CCK: variants seen among roughly 807,000 people sequenced by gnomAD.
The protein encoded by CCK is cholecystokinin triacontatriapeptide.
A neutral mutation model predicts 10.1 loss-of-function variants in CCK; 11 were observed. The observed-to-expected ratio is 1.09, with a 90% CI of 0.69 to 1.81. The LOEUF is 1.81. Among genes scored for constraint, CCK ranks in the 40% most tolerant of loss-of-function variants. CCK has a pLI of 0.00. For missense variants in CCK, 137 were observed against 159.9 expected (o/e 0.86, Z 0.77); for synonymous variants, 83 against 71.9 (o/e 1.15, Z -0.78).
chr3:42,261,882 T>A (rs1711219786), intron 4 of CCK, among the ~76,000 whole-genome samples: 1 of 152,200 alleles, frequency 6.6e-6, no homozygotes, highest in Admixed American at 6.5e-5. Context: ...AGACTTTCTC[T>A]CTCCATCTGA....
At chr3:42,261,544 G>A (rs977125591) in intron 4 of CCK, among the ~76,000 whole-genome samples, 1 of 151,880 alleles carries the variant, frequency 6.6e-6, no homozygotes, top group Non-Finnish European at 1.5e-5. Flanking sequence ...GAACTTTCCA[G>A]CTAAGATTTA....
At chr3:42,261,112 T>C (rs1004094925) in intron 4 of CCK, among the ~76,000 whole-genome samples, 1 of 152,204 alleles carries the variant, frequency 6.6e-6, no homozygotes, top group Admixed American at 6.5e-5. Context: ...CCTCTAGATA[T>C]CTTTACCCAC....
chr3:42,263,259 A>AC, intron 4 of CCK, 158 bp downstream of exon 4: 1 of 1,096,836 alleles, frequency 9.1e-7, no homozygotes, highest in East Asian at 2.4e-5. Flanking sequence ...AGTCCTCCAT[A>AC]CCCCTTCTCA....
intron 4 of CCK, among the ~76,000 whole-genome samples, chr3:42,260,155 G>C (rs1245467982): frequency 6.6e-6 from 1 of 152,122 alleles, no homozygotes; most frequent in East Asian, 1.9e-4. Context: ...ACCCTTCCCA[G>C]TTTTGGAACC....
chr3:42,258,767 A>C (rs1304269558), intron 4 of CCK, among the ~76,000 whole-genome samples: 1 of 152,214 alleles, frequency 6.6e-6, no homozygotes, highest in Admixed American at 6.5e-5. Context: ...AGTGTAAATT[A>C]GTTCAACCAT....
At chr3:42,258,397 G>A (rs2149570169) in intron 4 of CCK, among the ~76,000 whole-genome samples, 166 bp from the exon 5 acceptor site, 2 of 152,362 alleles carry the variant, frequency 1.3e-5, no homozygotes, top group South Asian at 4.1e-4. Flanking sequence ...CAAAATCTGA[G>A]AGAGGAGAAG....
At chr3:42,259,882 A>T (rs1270333708) in intron 4 of CCK, among the ~76,000 whole-genome samples, 3 of 152,196 alleles carry the variant, frequency 2.0e-5, no homozygotes, top group African/African-American at 7.2e-5. Flanking sequence ...AATCAAGGGT[A>T]GAGGAGTGGA....
intron 4 of CCK, chr3:42,263,102 G>A (rs1299559604): frequency 2.2e-6 from 1 of 453,772 alleles, no homozygotes; most frequent in Admixed American, 3.4e-5. Context: ...TCAGTAGAGG[G>A]TATTCACTGT....
intron 4 of CCK, among the ~76,000 whole-genome samples, chr3:42,259,170 G>A (rs1278526133): frequency 6.6e-6 from 1 of 152,054 alleles, no homozygotes; most frequent in African/African-American, 2.4e-5. Flanking sequence ...CATGGACACA[G>A]GGAGGGGAAC....
At position 42,263,622 on chromosome 3, in the gene CCK, G is replaced by A; in HGVS notation, c.9C>T (p.Ser3=). The change falls in exon 4 of 5, where the codon AGC becomes AGT. Residue 3 remains serine, a synonymous_variant. Coordinates refer to ENST00000396169, the MANE Select transcript of CCK (RefSeq NM_000729.6). ...CCATCAGCACGCACAGGCACACGCC[G>A]CTGTTCATGGCTGTAGCGAGCAAAG... MN[S]GVCLCVLMAV... The A allele has an allele frequency of 1.3e-6, 2 of 1,587,134 alleles. No individual in the cohort carries two copies. The highest frequency in any genetic ancestry group is 8.6e-7 in the Non-Finnish European group (1 of 1,166,338).
intron 4 of CCK, among the ~76,000 whole-genome samples, chr3:42,261,124 GC>G (rs1270084215): frequency 6.6e-6 from 1 of 152,132 alleles, no homozygotes; most frequent in African/African-American, 2.4e-5. Context: ...TTTACCCACT[GC>G]CCTCCAATAG....
chr3:42,261,607 GCTT>G (rs1359468544), intron 4 of CCK, among the ~76,000 whole-genome samples: 1 of 57,502 alleles, frequency 1.7e-5, no homozygotes, highest in East Asian at 3.9e-4. Flanking sequence ...TTGGTAATGA[GCTT>G]TTTTTTTTTT....
intron 3 of CCK, 133 bp from the exon 4 acceptor site, chr3:42,263,765 G>A (rs908950662): frequency 5.0e-6 from 7 of 1,395,694 alleles, no homozygotes; most frequent in Middle Eastern, 2.6e-4. Flanking sequence ...CCGCAAGCAC[G>A]AGGGCTCGCC....
intron 4 of CCK, among the ~76,000 whole-genome samples, chr3:42,262,776 C>A (rs1175196686): frequency 6.6e-6 from 1 of 152,184 alleles, no homozygotes; most frequent in African/African-American, 2.4e-5. Context: ...GCTGAATCAC[C>A]TTATTCCTGG....
rs1173360748 is a variant in CCK, at chr3:42,258,161, C to A, written c.285G>T (p.Arg95=). 1 of 1,614,104 alleles carries A rather than the reference C, an allele frequency of 6.2e-7. No individual in the cohort carries two copies. Among genetic ancestry groups the A allele is most frequent in the Non-Finnish European group, 8.5e-7 (1 of 1,180,014 alleles). ...CAAAATCCATCCAGCCCATGTAGTC[C>A]CGGTCACTTATCCTGTGGCTGGGGT... ...NLDPSHRISD[R]DYMGWMDFGR... Residue 95 remains arginine, a synonymous_variant, in exon 5 of 5, where the codon CGG becomes CGT. Coordinates refer to ENST00000396169, the MANE Select transcript of CCK (RefSeq NM_000729.6).
rs2149571018 is a variant in CCK, at chr3:42,261,342, C to T, written c.214+2075G>A. Among the ~76,000 whole-genome samples, 2 of 152,126 alleles carry T rather than the reference C, an allele frequency of 1.3e-5. 1 individual carries two copies. Among genetic ancestry groups the T allele is most frequent in the South Asian group, 4.1e-4 (2 of 4,824 alleles). ...ATATACTGCACATATAGAAACTGTG[C>T]AGTATCTATATGTGTAAGTATTTAG... On this transcript the variant is annotated intron_variant, in intron 4 of 4. Transcript: ENST00000396169.
intron 4 of CCK, among the ~76,000 whole-genome samples, chr3:42,260,581 T>TA (rs1711197466): frequency 6.6e-6 from 1 of 152,184 alleles, no homozygotes; most frequent in Non-Finnish European, 1.5e-5. Flanking sequence ...AGTGCTGACA[T>TA]AGAGTAGGGG....
rs11571848 is a variant in CCK, at chr3:42,263,536, C to T, written c.95G>A (p.Gly32Glu). 120 of 1,613,022 alleles carry T rather than the reference C, an allele frequency of 7.4e-5. 1 individual carries two copies. In the African/African-American group the frequency reaches 1.5e-3, roughly 20 times the overall value. Reference sequence around the variant, plus strand: ...GGGCGCCTCCTCTGCCCGCTGCAGCCCGGAGCCCGCGGGATCTGCGGGAGG... The same window carrying T: ...GGGCGCCTCCTCTGCCCGCTGCAGCTCGGAGCCCGCGGGATCTGCGGGAGG... ...PVPPADPAGS[G>E]LQRAEEAPRR... Residue 32 changes from glycine to glutamate, a missense_variant, in exon 4 of 5, where the codon GGG (glycine) becomes GAG (glutamate). Coordinates refer to ENST00000396169, the MANE Select transcript of CCK (RefSeq NM_000729.6).
rs765593661 is a variant in CCK, at chr3:42,263,515, G to C, written c.116C>G (p.Ala39Gly). Residue 39 changes from alanine (A) to glycine (G), a missense_variant, in exon 4 of 5, where the codon GCG (alanine) becomes GGG (glycine). Coordinates refer to ENST00000396169, the MANE Select transcript of CCK (RefSeq NM_000729.6). The part of the protein sequence containing the change: ...AGSGLQRAEE[A>G]PRRQLRVSQR... ...CGATACCCTCAGCTGCCTACGGGGC[G>C]CCTCCTCTGCCCGCTGCAGCCCGGA... 1.2e-6 allele frequency: 2 copies of C among 1,613,804 alleles called. No individual in the cohort carries two copies. The highest frequency in any genetic ancestry group is 1.7e-5 in the Admixed American group (1 of 60,026).
Sources: gnomAD v4.1 joint callset for allele counts (sites outside exome capture counted in the v4.1 genomes callset) on GRCh38, gnomAD v4.1.1 for gene constraint, MANE v1.5 for transcripts, NCBI Gene and HGNC (gene_info 2026-07-23, HGNC 2026-07-21) for gene names.